Variants in BLTP1 observed in about 807,000 individuals in gnomAD.
The protein encoded by BLTP1 is fragile site-associated protein.
the BLTP1 span, among the ~76,000 whole-genome samples, chr4:122,251,804 T>C: frequency 6.6e-6 from 1 of 152,222 alleles, no homozygotes; most frequent in East Asian, 1.9e-4. Context: ...GGTTCTGTTC[T>C]TGGCTCTTCC....
the BLTP1 span, chr4:122,180,027 C>T: frequency 5.7e-4 from 5 of 8,774 alleles, no homozygotes; most frequent in African/African-American, 4.1e-3. Context: ...CGTGCATGTA[C>T]ACACACACAC....
chr4:122,170,907 A>C, the BLTP1 span, among the ~76,000 whole-genome samples: 1 of 152,122 alleles, frequency 6.6e-6, no homozygotes, highest in Non-Finnish European at 1.5e-5. Flanking sequence ...TTGTTCTGGA[A>C]ACTGCTCTGA....
At chr4:122,351,610 T>C in the BLTP1 span, among the ~76,000 whole-genome samples, 1 of 152,210 alleles carries the variant, frequency 6.6e-6, no homozygotes, top group Admixed American at 6.5e-5. Flanking sequence ...ATGAACTGAC[T>C]TATTGAAGAG....
the BLTP1 span, chr4:122,316,894 G>A: frequency 1.4e-6 from 2 of 1,421,932 alleles, no homozygotes; most frequent in Non-Finnish European, 1.9e-6. Context: ...TTAATATAAT[G>A]TTCCCTAATT....
At chr4:122,222,664 C>T in the BLTP1 span, among the ~76,000 whole-genome samples, 6 of 152,102 alleles carry the variant, frequency 3.9e-5, no homozygotes, top group East Asian at 3.9e-4. Context: ...GCCTCCATCT[C>T]GACTGGCTGC....
At chr4:122,333,745 C>T in the BLTP1 span, 1 of 1,612,114 alleles carries the variant, frequency 6.2e-7, no homozygotes, top group Non-Finnish European at 8.5e-7. Flanking sequence ...GTGCCATCAT[C>T]TCTACAGACA....
the BLTP1 span, chr4:122,333,660 C>T: frequency 6.2e-7 from 1 of 1,608,948 alleles, no homozygotes; most frequent in East Asian, 2.2e-5. Context: ...GAGCTTAGAT[C>T]AAGATTCACC....
At chr4:122,341,792 G>C in the BLTP1 span, 1 of 985,354 alleles carries the variant, frequency 1.0e-6, no homozygotes, top group Non-Finnish European at 1.2e-6. Context: ...CTAATGTGGA[G>C]CCTAAACTGA....
the BLTP1 span, among the ~76,000 whole-genome samples, chr4:122,332,065 T>A: frequency 8.4e-4 from 127 of 152,092 alleles, no homozygotes; most frequent in African/African-American, 3.0e-3. Context: ...AATTTTGTTT[T>A]CCTTTTCTAA....
chr4:122,155,356 C>T, the BLTP1 span, among the ~76,000 whole-genome samples: 1 of 149,244 alleles, frequency 6.7e-6, no homozygotes, highest in Non-Finnish European at 1.5e-5. Context: ...CACAATTTCA[C>T]TCTGCCTCCC....
At chr4:122,196,332 A>T in the BLTP1 span, among the ~76,000 whole-genome samples, 1 of 152,282 alleles carries the variant, frequency 6.6e-6, no homozygotes, top group South Asian at 2.1e-4. Context: ...ATTTTAATTA[A>T]GCTATCCTCT....
At chr4:122,199,952 G>A in the BLTP1 span, 1 of 973,096 alleles carries the variant, frequency 1.0e-6, no homozygotes, top group Non-Finnish European at 1.2e-6. Context: ...ATTGCTGATT[G>A]GGGACTCATT....
chr4:122,244,755 G>T, the BLTP1 span: 1 of 474,818 alleles, frequency 2.1e-6, no homozygotes, highest in Non-Finnish European at 2.7e-6. Flanking sequence ...AAGAACACAG[G>T]AAATCTTCTT....
chr4:122,180,817 A>G, the BLTP1 span, among the ~76,000 whole-genome samples: 2 of 152,232 alleles, frequency 1.3e-5, no homozygotes, highest in Non-Finnish European at 2.9e-5. Context: ...CCTTTTAAAA[A>G]CTGCTCAGGG....
the BLTP1 span, among the ~76,000 whole-genome samples, chr4:122,242,754 C>T: frequency 6.6e-6 from 1 of 152,162 alleles, no homozygotes; most frequent in Non-Finnish European, 1.5e-5. Flanking sequence ...ACATTTGAAA[C>T]ACTTGCTTTT....
At chr4:122,241,238 A>T in the BLTP1 span, among the ~76,000 whole-genome samples, 1 of 152,200 alleles carries the variant, frequency 6.6e-6, no homozygotes, top group Non-Finnish European at 1.5e-5. Context: ...AGGCAGAGGC[A>T]ACTGCCTTCC....
the BLTP1 span, among the ~76,000 whole-genome samples, chr4:122,342,878 G>A: frequency 1.3e-5 from 2 of 152,218 alleles, no homozygotes; most frequent in Admixed American, 1.3e-4. Flanking sequence ...CTATTCAAAT[G>A]GTCTCATATT....
chr4:122,185,652 T>G, the BLTP1 span, among the ~76,000 whole-genome samples: 25 of 152,122 alleles, frequency 1.6e-4, no homozygotes, highest in Non-Finnish European at 2.9e-4. Context: ...AATATGATAG[T>G]TAAATAAAGC....
At chr4:122,292,682 A>G in the BLTP1 span, 1 of 725,380 alleles carries the variant, frequency 1.4e-6, no homozygotes, top group Non-Finnish European at 1.7e-6. Flanking sequence ...ATGAATATTA[A>G]GAAAATGGAA....
Sources: allele counts gnomAD v4.1 joint callset (sites outside exome capture counted in the v4.1 genomes callset), GRCh38; gene constraint gnomAD v4.1.1; transcripts MANE v1.5; gene names NCBI Gene and HGNC (gene_info 2026-07-23, HGNC 2026-07-21).